Variants in RASGEF1A observed in about 807,000 individuals in gnomAD.
RASGEF1A encodes the protein RasGEF domain family member 1A.
A neutral mutation model predicts 56.4 loss-of-function variants in RASGEF1A; 18 were observed. That is an observed-to-expected ratio of 0.32 (90% confidence interval 0.22 to 0.47). RASGEF1A has a LOEUF of 0.47. Ranked by LOEUF, RASGEF1A falls within the 20% of genes least tolerant of loss-of-function variation. RASGEF1A has a pLI of 1.00. For synonymous variants in RASGEF1A, 245 were observed against 242.6 expected, an observed-to-expected ratio of 1.01 and a Z score of -0.09; for missense variants, 422 against 627.1, an observed-to-expected ratio of 0.67 and a Z score of 3.49.
In RASGEF1A at chr10:43,207,853, G is replaced by A. The variant is rs915286385; in HGVS notation, c.-6-1731C>T. ...GCCAATCCTTCATTTTTCAGATGGT[G>A]AAACTGAGGCCCAGTGGGAAGGAAC... On this transcript the variant is annotated intron_variant, in intron 1 of 12. Coordinates refer to ENST00000395810, the MANE Select transcript of RASGEF1A (RefSeq NM_145313.4). 3.7e-5 allele frequency: 19 copies of A among 518,268 alleles called. No individual in the cohort carries two copies. In the African/African-American group the frequency reaches 3.7e-4, roughly 10 times the overall value. The allele number at this position is 518,268 out of a possible 1,614,324, so 32.1% of individuals were successfully genotyped here.
At position 43,203,376 on chromosome 10, in the gene RASGEF1A, C is replaced by G. The variant is rs1019696780; in HGVS notation, c.243G>C (p.Met81Ile). 5.0e-6 allele frequency: 8 copies of G among 1,587,918 alleles called. No individual in the cohort carries two copies. Among genetic ancestry groups the G allele is most frequent in the Non-Finnish European group, 6.9e-6 (8 of 1,167,444 alleles). ...FTFLLSSRVF[M>I]PPHDLLARVG... The stretch of plus-strand genomic sequence containing the variant: ...CGCGGGCCAGCAGGTCATGAGGGGG[C>G]ATAAAGACCCGGGAGCTCAGGAGAA... Residue 81 changes from methionine (M) to isoleucine (I), a missense_variant, in exon 3 of 13, where the codon ATG becomes ATC. Coordinates refer to ENST00000395810, the MANE Select transcript of RASGEF1A (RefSeq NM_145313.4).
chr10:43,206,770 A>G (rs964169911), intron 1 of RASGEF1A: 1 of 986,032 alleles, frequency 1.0e-6, no homozygotes, highest in Non-Finnish European at 1.2e-6. Context: ...GAGCAGGGCC[A>G]CTCCACATGG....
chr10:43,199,259 G>A (rs1839853535), intron 7 of RASGEF1A, 65 bp from the exon 8 acceptor site: 1 of 1,292,780 alleles, frequency 7.7e-7, no homozygotes, highest in Non-Finnish European at 1.1e-6. Flanking sequence ...GGGCCGCCGG[G>A]CAGAGGAACA....
chr10:43,256,270 C>A lies in RASGEF1A; in HGVS notation c.-7+10575G>T, dbSNP rs996401770. ...GGCAGGTGCTGCTGGAGTCCCCCAA[C>A]CCCTACCCAGAACACACAGCAGCCT... On this transcript the variant is annotated intron_variant, in intron 1 of 12. Coordinates refer to ENST00000395810, the MANE Select transcript of RASGEF1A (RefSeq NM_145313.4). 7.9e-5 allele frequency among the ~76,000 whole-genome samples: 12 copies of A among 152,284 alleles called. No homozygotes were observed. The South Asian group carries it at 1.9e-3, about 24-fold the overall frequency.
intron 1 of RASGEF1A, among the ~76,000 whole-genome samples, chr10:43,258,092 G>A (rs1371877350): frequency 6.6e-6 from 1 of 152,234 alleles, no homozygotes; most frequent in Non-Finnish European, 1.5e-5. Context: ...GGCGAAAGCT[G>A]CCTCTATACT....
At chr10:43,208,206 G>A (rs1032846281) in intron 1 of RASGEF1A, 17 of 985,332 alleles carry the variant, frequency 1.7e-5, no homozygotes, top group Non-Finnish European at 1.9e-5. Flanking sequence ...GGTCAGTTGG[G>A]CCTCCTCACC....
intron 1 of RASGEF1A, among the ~76,000 whole-genome samples, chr10:43,221,907 T>C (rs1051282669): frequency 6.6e-6 from 1 of 152,232 alleles, no homozygotes; most frequent in Non-Finnish European, 1.5e-5. Context: ...CGCCCAGGCC[T>C]CCTGCCTGCA....
At chr10:43,257,155 C>T (rs1836430436) in intron 1 of RASGEF1A, among the ~76,000 whole-genome samples, 1 of 152,210 alleles carries the variant, frequency 6.6e-6, no homozygotes, top group South Asian at 2.1e-4. Flanking sequence ...GGGTGAGCAG[C>T]ACCTTGCAGA....
intron 1 of RASGEF1A, among the ~76,000 whole-genome samples, chr10:43,231,238 T>TG (rs1840363014): frequency 6.6e-6 from 1 of 152,254 alleles, no homozygotes; most frequent in Non-Finnish European, 1.5e-5. Context: ...CAGGATGGTC[T>TG]GGGCCTGCAG....
intron 1 of RASGEF1A, among the ~76,000 whole-genome samples, chr10:43,230,187 C>T (rs1840347134): frequency 6.6e-6 from 1 of 152,246 alleles, no homozygotes; most frequent in African/African-American, 2.4e-5. Context: ...GGTGTTCTGC[C>T]AGCATTCGAC....
intron 1 of RASGEF1A, among the ~76,000 whole-genome samples, chr10:43,240,480 T>C (rs907222459): frequency 3.3e-5 from 5 of 152,094 alleles, no homozygotes; most frequent in African/African-American, 1.2e-4. Flanking sequence ...TAAAGGAAAG[T>C]ATGGAAGCAA....
chr10:43,234,629 C>A (rs897729840), intron 1 of RASGEF1A, among the ~76,000 whole-genome samples: 1 of 152,280 alleles, frequency 6.6e-6, no homozygotes, highest in East Asian at 1.9e-4. Flanking sequence ...AAGGCCCTGG[C>A]CCCCCACCCT....
rs376361406 is a variant in RASGEF1A at position 43,243,090 on chromosome 10, G to A, written c.-7+23755C>T. On this transcript the variant is annotated intron_variant, in intron 1 of 12. Transcript: ENST00000395810. Reference sequence around the variant, plus strand: ...CCACCCCATCTAGAAAGTGAGGAGCGTCTCTGCCTGGCCGCCCATCGTCTG... The same window carrying A: ...CCACCCCATCTAGAAAGTGAGGAGCATCTCTGCCTGGCCGCCCATCGTCTG... Among the ~76,000 whole-genome samples, 7 of 150,726 alleles carry A rather than the reference G, an allele frequency of 4.6e-5. No individual in the cohort carries two copies. The East Asian group carries it at 5.9e-4, about 13-fold the overall frequency.
chr10:43,240,376 T>A (rs1840486159), intron 1 of RASGEF1A, among the ~76,000 whole-genome samples: 1 of 152,152 alleles, frequency 6.6e-6, no homozygotes, highest in South Asian at 2.1e-4. Context: ...GTGGGGAGAA[T>A]CTGATTTCCA....
chr10:43,262,732 C>A (rs1402627713), intron 1 of RASGEF1A, among the ~76,000 whole-genome samples: 4 of 152,194 alleles, frequency 2.6e-5, no homozygotes, highest in Non-Finnish European at 4.4e-5. Flanking sequence ...GGAAGGCACC[C>A]AAGGAAGGCT....
chr10:43,218,370 G>C (rs1318347947), intron 1 of RASGEF1A, among the ~76,000 whole-genome samples: 1 of 152,268 alleles, frequency 6.6e-6, no homozygotes, highest in African/African-American at 2.4e-5. Context: ...TGACCTGGTT[G>C]CACTGTCCTG....
Position 43,197,095 on chromosome 10 carries a change from A to C in RASGEF1A, c.1229T>G (p.Phe410Cys), listed in dbSNP as rs1216140138. ...ATGGATCTGTCTGGAGATCTCCCAG[A>C]ATTTCTGAAGGGAGCAAAACCAACT... ...LPNGHINFKK[F>C]WEISRQIHEF... The change falls in exon 11 of 13, where the codon TTC (phenylalanine) becomes TGC (cysteine). Residue 410 changes from phenylalanine to cysteine, a missense_variant. Physicochemically the swap from Phe to Cys is radical, Grantham distance 205 (BLOSUM62 -2). Coordinates refer to ENST00000395810, the MANE Select transcript of RASGEF1A (RefSeq NM_145313.4). 1.2e-6 allele frequency: 2 copies of C among 1,613,788 alleles called. No individual in the cohort carries two copies. The highest frequency in any genetic ancestry group is 8.5e-7 in the Non-Finnish European group (1 of 1,179,888).
chr10:43,204,233 C>T (rs1025973349), intron 2 of RASGEF1A, among the ~76,000 whole-genome samples: 1 of 152,134 alleles, frequency 6.6e-6, no homozygotes, highest in Non-Finnish European at 1.5e-5. Context: ...GCAGGCTGGG[C>T]TGCCCAGAAG....
intron 2 of RASGEF1A, among the ~76,000 whole-genome samples, chr10:43,204,871 C>G (rs566150173): frequency 6.6e-6 from 1 of 152,246 alleles, no homozygotes; most frequent in Non-Finnish European, 1.5e-5. Context: ...CCTGGACTAC[C>G]TCAGGGCCTT....
Sources: gnomAD v4.1 joint callset for allele counts (sites outside exome capture counted in the v4.1 genomes callset) on GRCh38, gnomAD v4.1.1 for gene constraint, MANE v1.5 for transcripts, NCBI Gene and HGNC (gene_info 2026-07-23, HGNC 2026-07-21) for gene names.